EFHB: variants seen among roughly 807,000 people sequenced by gnomAD.
EFHB encodes the protein EF-hand domain family member B.
In EFHB, 91 loss-of-function variants were observed where a neutral mutation model predicts 87.2. The observed-to-expected ratio is 1.04, with a 90% CI of 0.88 to 1.24. The LOEUF is 1.24. EFHB is among the 50% of genes most tolerant of loss of function. The pLI, the probability that EFHB is intolerant of heterozygous loss-of-function variation, is 0.00. For synonymous variants in EFHB, 325 were observed against 333.6 expected, an observed-to-expected ratio of 0.97 and a Z score of 0.28; for missense variants, 1,084 against 998.8, an observed-to-expected ratio of 1.09 and a Z score of -1.15.
intron 12 of EFHB, 42 bp downstream of exon 12, chr3:19,882,508 A>G: frequency 1.4e-6 from 2 of 1,419,152 alleles, no homozygotes; most frequent in East Asian, 2.5e-5. Context: ...GTAGTTGTTG[A>G]TAGAGAAAAC....
chr3:19,920,621 G>A (rs1695406850), intron 1 of EFHB, 54 bp from the exon 2 acceptor site: 1 of 1,428,606 alleles, frequency 7.0e-7, no homozygotes, highest in Admixed American at 2.2e-5. Context: ...GGAGCATTTT[G>A]AAGAATGAAA....
intron 9 of EFHB, among the ~76,000 whole-genome samples, chr3:19,896,275 C>T (rs896051173): frequency 6.6e-6 from 1 of 152,164 alleles, no homozygotes; most frequent in African/African-American, 2.4e-5. Flanking sequence ...CTGGGTCCCA[C>T]CCCAGAGTTC....
chr3:19,928,419 T>G (rs746085922), intron 1 of EFHB, among the ~76,000 whole-genome samples: 17 of 152,182 alleles, frequency 1.1e-4, no homozygotes, highest in Non-Finnish European at 2.1e-4. Context: ...ATTATAATCA[T>G]TCCCATCAAA....
At chr3:19,927,162 A>G (rs1263525944) in intron 1 of EFHB, among the ~76,000 whole-genome samples, 1 of 152,164 alleles carries the variant, frequency 6.6e-6, no homozygotes, top group Non-Finnish European at 1.5e-5. Flanking sequence ...TGCACTTTGT[A>G]TGCTTCAGAT....
In EFHB at chr3:19,899,480, T is replaced by G. The variant is rs773716645; in HGVS notation, c.1454A>C (p.Asp485Ala). Residue 485 changes from aspartate to alanine, a missense_variant, in exon 7 of 13, where the codon GAT becomes GCT. Asp to Ala is a moderately radical substitution (Grantham distance 126). Transcript: ENST00000295824. ...RGAKFVSKRA[D>A]DFKEKFQHKL... ...ATGTTGAAACTTTTCTTTGAAATCA[T>G]CTGCTCTTTTGGATACAAACTTAGC... 6.2e-7 allele frequency: 1 copy of G among 1,607,986 alleles called. No homozygotes were observed. The highest frequency in any genetic ancestry group is 8.5e-7 in the Non-Finnish European group (1 of 1,178,046).
Position 19,894,990 on chromosome 3 carries a change from AT to A in EFHB, c.1725+1696del, listed in dbSNP as rs1177702551. The A allele has an allele frequency of 5.6e-4, 49 of 87,604 alleles. 1 individual carries two copies. The highest frequency in any genetic ancestry group is 1.9e-3 in the African/African-American group (45 of 23,154). The allele number at this position is 87,604 out of a possible 1,614,324, so 5.4% of individuals were successfully genotyped here. ...CAAGAGCAAGACTTTGTCTCAAAAA[AT>A]ATATATATGTATATATAAAAATATA... is the stretch of plus-strand genomic sequence containing the variant. On this transcript the variant is annotated intron_variant, in intron 9 of 12. Coordinates refer to ENST00000295824, the MANE Select transcript of EFHB (RefSeq NM_144715.4).
chr3:19,908,562 A>AAGAGAGAAAGAGAGAGAGAGAGAGAG (rs1559459432), intron 5 of EFHB, among the ~76,000 whole-genome samples: 3 of 83,812 alleles, frequency 3.6e-5, no homozygotes, highest in African/African-American at 9.7e-5. Context: ...GAAAGAGAGA[A>AAGAGAGAAAGAGAGAGAGAGAGAGAG]AGAGAGAGAG....
chr3:19,916,589 G>T (rs1695242014), intron 4 of EFHB, among the ~76,000 whole-genome samples: 1 of 152,002 alleles, frequency 6.6e-6, no homozygotes, highest in African/African-American at 2.4e-5. Context: ...GAGGTACCAG[G>T]GAAATCACTG....
At chr3:19,932,784 C>T (rs1303048336) in intron 1 of EFHB, among the ~76,000 whole-genome samples, 1 of 152,186 alleles carries the variant, frequency 6.6e-6, no homozygotes, top group Non-Finnish European at 1.5e-5. Flanking sequence ...ATGTACTTTT[C>T]AATTTAGTTT....
chr3:19,879,792 A>AT lies in EFHB; in HGVS notation c.2340dup (p.Leu781IlefsTer3), dbSNP rs1475413256. The AT allele has an allele frequency of 2.5e-6, 4 of 1,592,892 alleles. No individual in the cohort carries two copies. The Admixed American group carries it at 5.6e-5, about 22-fold the overall frequency. On this transcript the variant is annotated frameshift_variant, in exon 13 of 13. Transcript: ENST00000295824. LOFTEE classifies it high-confidence loss of function. ...GACAGTTTGACACCAATGTTACACAATATCTCTGCAATCTAGAAAAAGGCA... is the reference window on the plus strand; with the variant it reads ...GACAGTTTGACACCAATGTTACACAATTATCTCTGCAATCTAGAAAAAGGCA...
intron 10 of EFHB, among the ~76,000 whole-genome samples, chr3:19,884,915 TA>T (rs1306907125): frequency 0.12 from 16,996 of 139,408 alleles, 2,095 homozygotes; most frequent in African/African-American, 0.32. Context: ...TTTCTTTTCT[TA>T]AAAAAAAAAA....
At chr3:19,934,299 T>TTCTC (rs770548531), upstream of EFHB, 4 of 1,303,222 alleles carry the variant, frequency 3.1e-6, no homozygotes, top group South Asian at 1.9e-5. Context: ...TCTCTCATTC[T>TTCTC]TCTCTCTCTC....
At chr3:19,884,658 A>T in intron 10 of EFHB, 43 bp from the exon 11 acceptor site, 2 of 1,564,776 alleles carry the variant, frequency 1.3e-6, no homozygotes, top group Non-Finnish European at 1.8e-6. Flanking sequence ...GGAATACATT[A>T]CTACTTAGTG....
chr3:19,920,430 C>T (rs1456508243), intron 2 of EFHB, 75 bp downstream of exon 2: 6 of 1,236,478 alleles, frequency 4.9e-6, no homozygotes, highest in East Asian at 2.5e-5. Flanking sequence ...TCATAAGGAA[C>T]GTTGAGTTGC....
At chr3:19,882,059 A>AAT (rs2071692551) in intron 12 of EFHB, among the ~76,000 whole-genome samples, 3 of 107,894 alleles carry the variant, frequency 2.8e-5, no homozygotes, top group African/African-American at 4.7e-5. Flanking sequence ...AAATAAATAA[A>AAT]TAATTAAATA....
intron 5 of EFHB, among the ~76,000 whole-genome samples, chr3:19,913,946 T>C (rs1322443532): frequency 2.0e-5 from 3 of 152,128 alleles, no homozygotes; most frequent in Non-Finnish European, 4.4e-5. Flanking sequence ...GAGAGTCTCT[T>C]CAATAAATGG....
At chr3:19,894,780 A>T (rs1176999893) in intron 9 of EFHB, 1 of 152,032 alleles carries the variant, frequency 6.6e-6, no homozygotes, top group Non-Finnish European at 1.5e-5. Flanking sequence ...TGAGGTCAGG[A>T]GTTCAAGACC....
chr3:19,904,548 C>A (rs78443245), intron 6 of EFHB, among the ~76,000 whole-genome samples: 1 of 152,168 alleles, frequency 6.6e-6, no homozygotes, highest in African/African-American at 2.4e-5. Context: ...GGCATTACTT[C>A]GCATTCCTTG....
At chr3:19,945,778 T>C (rs181994354) in intron 1 of EFHB, 65 of 152,282 alleles carry the variant, frequency 4.3e-4, no homozygotes, top group African/African-American at 1.5e-3. Flanking sequence ...GGCAACTAGG[T>C]AGTTGATCTG....
Sources: gnomAD v4.1 joint callset for allele counts (sites outside exome capture counted in the v4.1 genomes callset) on GRCh38, gnomAD v4.1.1 for gene constraint, MANE v1.5 for transcripts, NCBI Gene and HGNC (gene_info 2026-07-23, HGNC 2026-07-21) for gene names.